Variants in MTMR12 observed in about 807,000 individuals in gnomAD.
The protein encoded by MTMR12 is myotubularin-related protein 12.
MTMR12 carries 33 observed loss-of-function variants against 96.7 expected under a neutral mutation model. That is an observed-to-expected ratio of 0.34 (90% confidence interval 0.26 to 0.46). MTMR12 has a LOEUF of 0.46. MTMR12 is among the 20% of genes least tolerant of loss of function. The pLI is 1.00. For synonymous variants in MTMR12, 298 were observed against 327.2 expected (o/e 0.91, Z 0.96); for missense variants, 721 against 896.1 (o/e 0.80, Z 2.49).
chr5:32,304,190 C>A (rs777256629), intron 1 of MTMR12, among the ~76,000 whole-genome samples: 4 of 151,964 alleles, frequency 2.6e-5, no homozygotes, highest in African/African-American at 9.7e-5. Context: ...CGTGGTGGCA[C>A]GTGCCTGTAG....
At chr5:32,276,654 G>C (rs1750062365) in intron 2 of MTMR12, 28 bp downstream of exon 2, 2 of 1,592,566 alleles carry the variant, frequency 1.3e-6, no homozygotes, top group African/African-American at 1.3e-5. Flanking sequence ...GCCTTGCATA[G>C]GAGTTACTAT....
In MTMR12 at chr5:32,228,534, G is replaced by GTGATATATATATATA. The variant is rs138165258; in HGVS notation, c.*1243_*1244insTATATATATATATCA. The stretch of plus-strand genomic sequence containing the variant: ...TAAAAAAAATATATATCATATATAT[G>GTGATATATATATATA]ATATATATATCATATATATGTGATA... On this transcript the variant is annotated 3_prime_UTR_variant, in exon 16 of 16. Transcript: ENST00000382142. The GTGATATATATATATA allele has an allele frequency of 1.1e-5, 1 of 87,524 alleles. No homozygotes were observed. Among genetic ancestry groups the GTGATATATATATATA allele is most frequent in the Non-Finnish European group, 2.3e-5 (1 of 44,282 alleles). 5.4% of individuals were successfully genotyped at this position (87,524 alleles called of 1,614,324 possible). A position where few individuals can be genotyped will look rare whatever the true frequency, so the allele number is the denominator to read the frequency against.
chr5:32,229,948 C>T lies in MTMR12; in HGVS notation c.2074G>A (p.Ala692Thr). The change falls in exon 16 of 16, where the codon GCC becomes ACC. Residue 692 changes from alanine to threonine, a missense_variant. Physicochemically the swap from Ala to Thr is moderately conservative, Grantham distance 58. Coordinates refer to ENST00000382142, the MANE Select transcript of MTMR12 (RefSeq NM_001040446.3). ...HHSQQAPQAEAPCLLRNSARL... is the reference protein window; with the variant it reads ...HHSQQAPQAETPCLLRNSARL... ...GCAGAGTTCCTCAGCAGGCAGGGGGCCTCAGCCTGGGGGGCCTGCTGGCTG... is the reference window on the plus strand; with the variant it reads ...GCAGAGTTCCTCAGCAGGCAGGGGGTCTCAGCCTGGGGGGCCTGCTGGCTG... The T allele has an allele frequency of 6.2e-7, 1 of 1,611,848 alleles. No individual in the cohort carries two copies. Among genetic ancestry groups the T allele is most frequent in the Non-Finnish European group, 8.5e-7 (1 of 1,178,660 alleles).
chr5:32,302,290 A>ACCC (rs1237374323), intron 1 of MTMR12, among the ~76,000 whole-genome samples: 1 of 152,258 alleles, frequency 6.6e-6, no homozygotes, highest in Non-Finnish European at 1.5e-5. Context: ...AGAGAGTATT[A>ACCC]GTTTCAGAGA....
intron 1 of MTMR12, among the ~76,000 whole-genome samples, chr5:32,304,961 C>A (rs554738253): frequency 8.4e-4 from 128 of 152,298 alleles, no homozygotes; most frequent in African/African-American, 2.9e-3. Context: ...TCTGGAGAGA[C>A]CTTTAATGTC....
At chr5:32,232,549 G>A (rs558007418) in intron 15 of MTMR12, among the ~76,000 whole-genome samples, 1 of 152,350 alleles carries the variant, frequency 6.6e-6, no homozygotes, top group South Asian at 2.1e-4. Flanking sequence ...TGTCCTCGCT[G>A]TCTCTGAGGT....
Position 32,243,615 on chromosome 5 carries a change from G to A in MTMR12, c.1022-16C>T. The A allele has an allele frequency of 6.5e-7, 1 of 1,532,866 alleles. No individual in the cohort carries two copies. The highest frequency in any genetic ancestry group is 9.0e-7 in the Non-Finnish European group (1 of 1,108,092). 95.0% of individuals were successfully genotyped at this position (1,532,866 alleles called of 1,614,324 possible). A position where few individuals can be genotyped will look rare whatever the true frequency, so the allele number is the denominator to read the frequency against. ...GTACTGTTATCTGAAAAAAGAAAAA[G>A]GAGTAAAGACGTCAGGTCATTGTTC... On this transcript the variant is annotated splice_polypyrimidine_tract_variant and intron_variant, in intron 10 of 15. Transcript: ENST00000382142.
At chr5:32,311,400 T>G (rs116679546) in intron 1 of MTMR12, among the ~76,000 whole-genome samples, 2,886 of 152,272 alleles carry the variant, frequency 0.019, 94 homozygotes, top group African/African-American at 0.065. Flanking sequence ...CACTTTCCCC[T>G]GGAGAAAACA....
At chr5:32,308,682 C>G (rs1751452762) in intron 1 of MTMR12, among the ~76,000 whole-genome samples, 1 of 151,932 alleles carries the variant, frequency 6.6e-6, no homozygotes, top group Non-Finnish European at 1.5e-5. Context: ...CTCACTGCAA[C>G]CTCTGCCTCC....
intron 11 of MTMR12, among the ~76,000 whole-genome samples, chr5:32,242,870 C>T (rs1310793341): frequency 6.6e-6 from 1 of 151,978 alleles, no homozygotes. Flanking sequence ...GGCTCCTTTC[C>T]GCAGTACTCA....
chr5:32,278,696 G>T (rs1171933225), intron 1 of MTMR12, among the ~76,000 whole-genome samples: 1 of 152,112 alleles, frequency 6.6e-6, no homozygotes, highest in Non-Finnish European at 1.5e-5. Context: ...TTTGTAAAAA[G>T]CTCCCCAGAT....
rs768911339 is a variant in MTMR12, at chr5:32,268,703, G to A, written c.581C>T (p.Thr194Ile). ...ATTAGAACCCAGAAGATATTTACCT[G>A]TATTGTTTTGTGCAGCAGTCGCATA... ...FSYATAAQNNTVTDPKNHTVM... is the reference protein window; with the variant it reads ...FSYATAAQNNIVTDPKNHTVM... The change falls in exon 6 of 16, where the codon ACA (threonine) becomes ATA (isoleucine). Residue 194 changes from threonine to isoleucine, a missense_variant and splice_region_variant. Thr to Ile is a moderately conservative substitution (Grantham distance 89, BLOSUM62 -1). Transcript: ENST00000382142. The A allele has an allele frequency of 3.8e-5, 61 of 1,611,784 alleles. No individual in the cohort carries two copies. Among genetic ancestry groups the A allele is most frequent in the Admixed American group, 6.7e-5 (4 of 59,986 alleles).
intron 13 of MTMR12, among the ~76,000 whole-genome samples, chr5:32,237,197 G>A (rs1056488630): frequency 5.3e-5 from 8 of 152,236 alleles, no homozygotes; most frequent in Admixed American, 2.0e-4. Context: ...AAAACCACAA[G>A]TAACACTGCT....
intron 1 of MTMR12, among the ~76,000 whole-genome samples, chr5:32,303,418 C>G (rs950746466): frequency 8.5e-5 from 13 of 152,172 alleles, no homozygotes; most frequent in Admixed American, 2.0e-4. Context: ...TACTCCCCCC[C>G]AGAATCCCTC....
intron 13 of MTMR12, 119 bp downstream of exon 13, chr5:32,238,879 TAAC>T (rs937659424): frequency 1.7e-6 from 2 of 1,149,498 alleles, no homozygotes; most frequent in African/African-American, 3.1e-5. Flanking sequence ...CTAGTTTTCT[TAAC>T]AAACCTGTTT....
At chr5:32,234,832 T>C (rs1325222173) in intron 14 of MTMR12, 130 bp downstream of exon 14, 5 of 823,074 alleles carry the variant, frequency 6.1e-6, no homozygotes, top group Non-Finnish European at 9.4e-6. Context: ...ATCTTCTCTG[T>C]ATTATTCCAA....
Position 32,233,045 on chromosome 5 carries a change from C to A in MTMR12, c.1674+728G>T. 1 of 975,570 alleles carries A rather than the reference C, an allele frequency of 1.0e-6. No homozygotes were observed. The highest frequency in any genetic ancestry group is 1.1e-4 in the East Asian group (1 of 8,766). The allele number at this position is 975,570 out of a possible 1,614,324, so 60.4% of individuals were successfully genotyped here. ...GCTAGGAAATGTCAGTTAAATAATT[C>A]ATCAGTTAGGGAACTTTGGGATTAT... On this transcript the variant is annotated intron_variant, in intron 15 of 15. Transcript: ENST00000382142. The surrounding 1 kb of genome is among the most constrained non-coding windows in gnomAD (Gnocchi z 5.0).
In MTMR12 at chr5:32,308,094, T is replaced by C. The variant is rs946173252; in HGVS notation, c.81+4664A>G. Among the ~76,000 whole-genome samples, 6 of 152,214 alleles carry C rather than the reference T, an allele frequency of 3.9e-5. No homozygotes were observed. In the East Asian group the frequency reaches 1.2e-3, roughly 29 times the overall value. ...ATCCCAGCACTTTGGTTGGCCAAGG[T>C]GGGCGGGTCACGAGGTCAGGAGTTC... On this transcript the variant is annotated intron_variant, in intron 1 of 15. Coordinates refer to ENST00000382142, the MANE Select transcript of MTMR12 (RefSeq NM_001040446.3).
intron 1 of MTMR12, among the ~76,000 whole-genome samples, chr5:32,311,945 TTTAC>T (rs1751614813): frequency 6.6e-6 from 1 of 152,320 alleles, no homozygotes; most frequent in South Asian, 2.1e-4. Context: ...CACCGTATAA[TTTAC>T]TTAATTATCT....
Sources: gnomAD v4.1 joint callset for allele counts (sites outside exome capture counted in the v4.1 genomes callset) on GRCh38, gnomAD v4.1.1 for gene constraint, Gnocchi (gnomAD v3.1) non-coding constraint, MANE v1.5 for transcripts, NCBI Gene and HGNC (gene_info 2026-07-23, HGNC 2026-07-21) for gene names.